The following PREX2 variants were observed in gnomAD, a reference collection of about 807,000 sequenced individuals.
PREX2 encodes phosphatidylinositol 3,4,5-trisphosphate-dependent Rac exchanger 2 protein.
In PREX2, 107 loss-of-function variants were observed where a neutral mutation model predicts 203.2. The observed-to-expected ratio is 0.53, with a 90% CI of 0.45 to 0.62. The LOEUF is 0.62. Ranked by LOEUF, PREX2 falls within the 20% of genes least tolerant of loss-of-function variation. The pLI is 0.00. For missense variants in PREX2, 1,777 were observed against 1,955.9 expected, an observed-to-expected ratio of 0.91 and a Z score of 1.72; for synonymous variants, 672 against 663.6, an observed-to-expected ratio of 1.01 and a Z score of -0.19.
chr8:68,103,461 A>G, intron 23 of PREX2: 3 of 494,980 alleles, frequency 6.1e-6, no homozygotes, highest in Non-Finnish European at 1.2e-5. Flanking sequence ...TTGCATCTTC[A>G]GAAATTGTTT....
intron 26 of PREX2, 139 bp downstream of exon 26, chr8:68,116,071 C>T: frequency 1.5e-6 from 1 of 688,930 alleles, no homozygotes; most frequent in South Asian, 2.0e-5. Context: ...TACTACCGAC[C>T]TCAGACAAAG....
chr8:68,056,181 T>C (rs573040573), intron 10 of PREX2, among the ~76,000 whole-genome samples: 1 of 152,232 alleles, frequency 6.6e-6, no homozygotes, highest in African/African-American at 2.4e-5. Flanking sequence ...CATCCGTCCA[T>C]TCATTCATGA....
chr8:68,051,211 C>A (rs1200070748), intron 8 of PREX2, among the ~76,000 whole-genome samples: 2 of 152,102 alleles, frequency 1.3e-5, no homozygotes, highest in Non-Finnish European at 2.9e-5. Flanking sequence ...GATTTTGGCA[C>A]ATGAACTTGT....
intron 4 of PREX2, among the ~76,000 whole-genome samples, chr8:68,023,173 T>C (rs1225655905): frequency 1.3e-5 from 2 of 152,184 alleles, no homozygotes; most frequent in Non-Finnish European, 2.9e-5. Context: ...CTGTGTTGTA[T>C]GATAAGCTCA....
intron 1 of PREX2, among the ~76,000 whole-genome samples, chr8:67,962,683 T>G (rs1805665020): frequency 6.6e-6 from 1 of 151,890 alleles, no homozygotes; most frequent in Non-Finnish European, 1.5e-5. Context: ...CTCGGCTCAC[T>G]GCAACCTCTG....
At chr8:68,104,540 G>A (rs1164934072) in intron 23 of PREX2, among the ~76,000 whole-genome samples, 4 of 152,134 alleles carry the variant, frequency 2.6e-5, no homozygotes, top group African/African-American at 4.8e-5. Flanking sequence ...CAGCTTCAGT[G>A]AGGCCTGTTC....
chr8:68,208,086 A>G (rs140469942), intron 37 of PREX2, among the ~76,000 whole-genome samples: 2,593 of 152,272 alleles, frequency 0.017, 37 homozygotes, highest in South Asian at 0.032. Context: ...CACCTTCACT[A>G]TGGAGGAAGA....
intron 11 of PREX2, among the ~76,000 whole-genome samples, chr8:68,063,489 C>T (rs932285287): frequency 5.3e-5 from 8 of 152,110 alleles, no homozygotes; most frequent in African/African-American, 1.9e-4. Flanking sequence ...CTAGACCCTG[C>T]ATGAGGAGAG....
intron 1 of PREX2, among the ~76,000 whole-genome samples, chr8:67,967,740 C>T (rs1182147845): frequency 6.6e-6 from 1 of 152,146 alleles, no homozygotes; most frequent in African/African-American, 2.4e-5. Context: ...GTATGAGGTG[C>T]TTTCATACAT....
intron 35 of PREX2, among the ~76,000 whole-genome samples, chr8:68,182,276 A>G (rs1812099847): frequency 6.6e-6 from 1 of 152,090 alleles, no homozygotes; most frequent in Non-Finnish European, 1.5e-5. Flanking sequence ...ATTTCTTGCT[A>G]GAGTAATTTA....
In PREX2 at chr8:68,030,650, G is replaced by C; in HGVS notation, c.697G>C (p.Gly233Arg). 6.2e-7 allele frequency: 1 copy of C among 1,613,486 alleles called. No homozygotes were observed. Among genetic ancestry groups the C allele is most frequent in the Non-Finnish European group, 8.5e-7 (1 of 1,179,534 alleles). The change falls in exon 6 of 40, where the codon GGC (glycine) becomes CGC (arginine). Residue 233 changes from glycine (G) to arginine (R), a missense_variant. By Grantham distance (125) the Gly-to-Arg change is moderately radical. Transcript: ENST00000288368. ...VLEEWQSHIE[G>R]WEGSNITDTC... ...AGAGGAATGGCAGTCTCACATTGAA[G>C]GCTGGGAGGTACATTCACTTTGCTT...
chr8:68,188,948 C>T (rs1812243664), intron 35 of PREX2, among the ~76,000 whole-genome samples: 1 of 152,070 alleles, frequency 6.6e-6, no homozygotes, highest in South Asian at 2.1e-4. Flanking sequence ...ATTACAGGTG[C>T]TAGAGATGCA....
intron 35 of PREX2, among the ~76,000 whole-genome samples, chr8:68,184,956 A>G (rs936677326): frequency 1.8e-4 from 28 of 152,200 alleles, no homozygotes; most frequent in Admixed American, 1.5e-3. Context: ...CATTTGATAA[A>G]GCACTTTCCT....
intron 30 of PREX2, 69 bp downstream of exon 30, chr8:68,121,118 A>C: frequency 6.7e-7 from 1 of 1,491,900 alleles, no homozygotes; most frequent in Non-Finnish European, 9.2e-7. Flanking sequence ...CTAAAACCAA[A>C]AGTTTGGTAA....
chr8:68,004,191 G>A (rs1807027842), intron 1 of PREX2, among the ~76,000 whole-genome samples: 2 of 152,122 alleles, frequency 1.3e-5, no homozygotes. Context: ...GTTCCACCTT[G>A]GAGAAGCTAC....
intron 35 of PREX2, among the ~76,000 whole-genome samples, chr8:68,169,238 G>T (rs1229967989): frequency 2.6e-5 from 4 of 152,108 alleles, no homozygotes; most frequent in East Asian, 1.9e-4. Context: ...GAGAGCCCCA[G>T]TGAAGGACCT....
chr8:68,231,476 G>A lies in PREX2; in HGVS notation c.*98G>A. Reference sequence around the variant, plus strand: ...CATTCTCCACTGAAGATACATCAATGCTTTTTTTTTTTTTTTTTTCTGTAA... The same window carrying A: ...CATTCTCCACTGAAGATACATCAATACTTTTTTTTTTTTTTTTTTCTGTAA... On this transcript the variant is annotated 3_prime_UTR_variant, in exon 40 of 40. Coordinates refer to ENST00000288368, the MANE Select transcript of PREX2 (RefSeq NM_024870.4). 1 of 643,706 alleles carries A rather than the reference G, an allele frequency of 1.6e-6. No individual in the cohort carries two copies. Among genetic ancestry groups the A allele is most frequent in the Non-Finnish European group, 2.2e-6 (1 of 453,922 alleles). 39.9% of individuals were successfully genotyped at this position (643,706 alleles called of 1,614,324 possible).
intron 35 of PREX2, among the ~76,000 whole-genome samples, chr8:68,159,227 A>T (rs1361305722): frequency 6.6e-6 from 1 of 152,224 alleles, no homozygotes; most frequent in Non-Finnish European, 1.5e-5. Flanking sequence ...AGAATCTAAT[A>T]ACCGGCATAC....
intron 1 of PREX2, among the ~76,000 whole-genome samples, chr8:67,980,559 A>G (rs752665537): frequency 2.0e-5 from 3 of 152,226 alleles, no homozygotes; most frequent in Non-Finnish European, 4.4e-5. Context: ...GGGAACCTCC[A>G]TTAGAGTACT....
Sources: gnomAD v4.1 joint callset for allele counts (sites outside exome capture counted in the v4.1 genomes callset) on GRCh38, gnomAD v4.1.1 for gene constraint, MANE v1.5 for transcripts, NCBI Gene and HGNC (gene_info 2026-07-23, HGNC 2026-07-21) for gene names.